ZNF385B: variants seen among roughly 807,000 people sequenced by gnomAD.
ZNF385B encodes zinc finger protein 533.
ZNF385B carries 23 observed loss-of-function variants against 39.2 expected under a neutral mutation model. That is an observed-to-expected ratio of 0.59 (90% confidence interval 0.42 to 0.83). The LOEUF is 0.83. Ranked by LOEUF, ZNF385B falls within the 40% of genes least tolerant of loss-of-function variation. The probability of loss-of-function intolerance (pLI) is 0.00; values close to 1 mark genes in which losing one functional copy is unlikely to be tolerated. For synonymous variants in ZNF385B, 205 were observed against 222.6 expected (o/e 0.92, Z 0.70); for missense variants, 552 against 598.9 (o/e 0.92, Z 0.82).
At chr2:179,772,889 C>T (rs917953179) in intron 1 of ZNF385B, among the ~76,000 whole-genome samples, 13 of 152,164 alleles carry the variant, frequency 8.5e-5, no homozygotes. Flanking sequence ...GAACCAAAAA[C>T]TCTATGCTTT....
chr2:179,688,483 C>T (rs1035860412), intron 3 of ZNF385B, among the ~76,000 whole-genome samples: 13 of 107,808 alleles, frequency 1.2e-4, no homozygotes, highest in South Asian at 3.6e-4. Flanking sequence ...CACCCTGTCC[C>T]CCTGCAAAAC....
chr2:179,446,553 G>A lies in ZNF385B; in HGVS notation c.933C>T (p.Ser311=). Residue 311 remains serine (S), a synonymous_variant, in exon 7 of 10, where the codon TCC becomes TCT. Transcript: ENST00000410066. ...YCSLCKVAVN[S]LSQLEAHNTG... is the part of the protein sequence containing the mutation. ...TGTTGTGTGCCTCTAGCTGTGACAG[G>A]GAGTTCACAGCCACTTTGCATAGTG... The A allele has an allele frequency of 1.2e-6, 2 of 1,613,822 alleles. No homozygotes were observed. The highest frequency in any genetic ancestry group is 8.5e-7 in the Non-Finnish European group (1 of 1,179,916).
chr2:179,592,227 G>A (rs1687623823), intron 3 of ZNF385B, among the ~76,000 whole-genome samples: 1 of 152,058 alleles, frequency 6.6e-6, no homozygotes, highest in Non-Finnish European at 1.5e-5. Context: ...GCAGTTAAGA[G>A]CTCTCTACAC....
intron 1 of ZNF385B, among the ~76,000 whole-genome samples, chr2:179,804,762 A>G (rs11688014): frequency 0.12 from 17,519 of 152,240 alleles, 1,214 homozygotes; most frequent in Non-Finnish European, 0.17. Flanking sequence ...CACCTTATCA[A>G]CTACATCCCT....
chr2:179,569,460 A>G (rs1035198692), intron 3 of ZNF385B, among the ~76,000 whole-genome samples: 15 of 152,244 alleles, frequency 9.9e-5, no homozygotes, highest in Non-Finnish European at 1.8e-4. Context: ...AATCATGAGG[A>G]AAATCTAAAT....
At chr2:179,628,287 T>G (rs1022492321) in intron 3 of ZNF385B, among the ~76,000 whole-genome samples, 8 of 152,208 alleles carry the variant, frequency 5.3e-5, no homozygotes, top group Non-Finnish European at 1.0e-4. Context: ...ATCCAGACTA[T>G]CTGGATGAAA....
chr2:179,605,561 T>C (rs1175666381), intron 3 of ZNF385B, among the ~76,000 whole-genome samples: 2 of 152,152 alleles, frequency 1.3e-5, no homozygotes, highest in African/African-American at 2.4e-5. Context: ...GTTTAACAAA[T>C]AGAATAGCAG....
At chr2:179,635,948 A>G (rs1224869274) in intron 3 of ZNF385B, among the ~76,000 whole-genome samples, 1 of 152,154 alleles carries the variant, frequency 6.6e-6, no homozygotes, top group Non-Finnish European at 1.5e-5. Context: ...TTATCCTATA[A>G]ATTTATTTAA....
In ZNF385B at chr2:179,534,382, C is replaced by T. The variant is rs1280599564; in HGVS notation, c.441+10445G>A. On this transcript the variant is annotated intron_variant, in intron 4 of 9. Transcript: ENST00000410066. ...AGCTTTGCTGTTTTAAGTATCCTTT[C>T]GTAAACATAATCTCATTTGATATTT... 5.3e-5 allele frequency among the ~76,000 whole-genome samples: 8 copies of T among 151,990 alleles called. No individual in the cohort carries two copies. The East Asian group carries it at 1.3e-3, about 26-fold the overall frequency.
chr2:179,733,319 A>G (rs1377948747), intron 3 of ZNF385B, among the ~76,000 whole-genome samples: 2 of 152,140 alleles, frequency 1.3e-5, no homozygotes, highest in Non-Finnish European at 2.9e-5. Flanking sequence ...CCATCCATTA[A>G]CTGTGACTAG....
In ZNF385B at chr2:179,634,993, A is replaced by AAAAT. The variant is rs1166340577; in HGVS notation, c.299-90025_299-90024insATTT. Among the ~76,000 whole-genome samples, 35 of 140,482 alleles carry AAAAT rather than the reference A, an allele frequency of 2.5e-4. 1 individual carries two copies. Among genetic ancestry groups the AAAAT allele is most frequent in the African/African-American group, 9.3e-4 (35 of 37,738 alleles). 92.2% of individuals were successfully genotyped at this position (140,482 alleles called of 152,430 possible). A position where few individuals can be genotyped will look rare whatever the true frequency, so the allele number is the denominator to read the frequency against. On this transcript the variant is annotated intron_variant, in intron 3 of 9. Transcript: ENST00000410066. ...AAATACAAAAAAAAAAAAAAAAAAA[A>AAAAT]TAGCCAGGCGTGGTGGCAGGTGCCT...
chr2:179,774,598 C>G (rs934103520), intron 1 of ZNF385B, among the ~76,000 whole-genome samples: 2 of 152,078 alleles, frequency 1.3e-5, no homozygotes, highest in Non-Finnish European at 2.9e-5. Flanking sequence ...ACCTTGTGAT[C>G]CACCTGCCTC....
At chr2:179,701,472 T>A (rs1699195170) in intron 3 of ZNF385B, among the ~76,000 whole-genome samples, 1 of 152,202 alleles carries the variant, frequency 6.6e-6, no homozygotes, top group African/African-American at 2.4e-5. Flanking sequence ...ACAATTATTA[T>A]TCATATTTAA....
At chr2:179,537,980 T>C (rs2059691876) in intron 4 of ZNF385B, among the ~76,000 whole-genome samples, 2 of 152,218 alleles carry the variant, frequency 1.3e-5, no homozygotes, top group South Asian at 4.1e-4. Flanking sequence ...TGAGTAACCA[T>C]GGAAAATTTC....
At chr2:179,819,045 A>G (rs1240995784) in intron 1 of ZNF385B, among the ~76,000 whole-genome samples, 4 of 74,094 alleles carry the variant, frequency 5.4e-5, no homozygotes, top group Admixed American at 5.3e-4. Context: ...ACACACACAC[A>G]CACACACACA....
At position 179,445,729 on chromosome 2, in the gene ZNF385B, C is replaced by T. The variant is rs748063821; in HGVS notation, c.962-1G>A. The T allele has an allele frequency of 5.0e-6, 8 of 1,599,154 alleles. No individual in the cohort carries two copies. The highest frequency in any genetic ancestry group is 1.4e-5 in the African/African-American group (1 of 73,990). ...TCAACCATGGTCTTGTGTTTAGATC[C>T]TAAGACAGAAAGAGACACATATTAA... On this transcript the variant is annotated splice_acceptor_variant, in intron 7 of 9. Coordinates refer to ENST00000410066, the MANE Select transcript of ZNF385B (RefSeq NM_152520.6). LOFTEE classifies it high-confidence loss of function.
chr2:179,822,872 G>A (rs1707483435), intron 1 of ZNF385B, among the ~76,000 whole-genome samples: 1 of 152,040 alleles, frequency 6.6e-6, no homozygotes, highest in Non-Finnish European at 1.5e-5. Context: ...TACCAGTCCT[G>A]GACTTTTTGT....
intron 3 of ZNF385B, among the ~76,000 whole-genome samples, chr2:179,593,487 C>T (rs1193610632): frequency 6.6e-6 from 1 of 152,114 alleles, no homozygotes; most frequent in Admixed American, 6.5e-5. Context: ...TTGAACATAT[C>T]CTCTCATTTA....
chr2:179,587,042 A>C (rs1164483884), intron 3 of ZNF385B, among the ~76,000 whole-genome samples: 1 of 152,152 alleles, frequency 6.6e-6, no homozygotes, highest in Non-Finnish European at 1.5e-5. Flanking sequence ...CCATCTCAAA[A>C]AAACAAACAA....
Sources: allele counts gnomAD v4.1 joint callset (sites outside exome capture counted in the v4.1 genomes callset), GRCh38; gene constraint gnomAD v4.1.1; transcripts MANE v1.5; gene names NCBI Gene and HGNC (gene_info 2026-07-23, HGNC 2026-07-21).